The following ALX4 variants were observed in gnomAD, a reference collection of about 807,000 sequenced individuals.
ALX4 encodes ALX homeobox 4, also known as homeobox protein aristaless-like 4.
ALX4 carries 22 observed loss-of-function variants against 40.6 expected under a neutral mutation model. The ratio of observed to expected loss-of-function variants is 0.54; its 90% CI spans 0.39 to 0.77. The LOEUF (loss-of-function observed/expected upper bound fraction) is 0.77. ALX4 is among the 30% of genes least tolerant of loss of function. The pLI is 0.00. For missense variants in ALX4, 556 were observed against 564.8 expected (o/e 0.98, Z 0.16); for synonymous variants, 266 against 240.5 (o/e 1.11, Z -0.98).
chr11:44,309,862 G>C lies in ALX4; in HGVS notation c.201C>G (p.Gly67=). Residue 67 remains glycine (G), a synonymous_variant, in exon 1 of 4, where the codon GGC becomes GGG. Coordinates refer to ENST00000652299, the MANE Select transcript of ALX4 (RefSeq NM_021926.4). ...FGDAKSRARY[G]AGQQDLATPL... is the part of the protein sequence containing the mutation. ...GTGTCGCCAGGTCCTGCTGCCCAGC[G>C]CCGTAACGGGCCCGGCTCTTGGCGT... 6.4e-7 allele frequency: 1 copy of C among 1,564,304 alleles called. No homozygotes were observed. Among genetic ancestry groups the C allele is most frequent in the Non-Finnish European group, 8.7e-7 (1 of 1,153,744 alleles).
intron 1 of ALX4, among the ~76,000 whole-genome samples, chr11:44,307,938 G>C (rs1157370820): frequency 1.3e-5 from 2 of 151,948 alleles, no homozygotes; most frequent in African/African-American, 2.4e-5. Flanking sequence ...GTGGGTGTCT[G>C]TGTGTGGAAC....
intron 1 of ALX4, among the ~76,000 whole-genome samples, chr11:44,302,646 G>A (rs1414478203): frequency 5.5e-5 from 8 of 144,468 alleles, no homozygotes; most frequent in Admixed American, 4.7e-4. Context: ...CTCAGCTTGA[G>A]CCTGGTCACA....
intron 1 of ALX4, among the ~76,000 whole-genome samples, chr11:44,304,234 G>A (rs1455823579): frequency 6.6e-6 from 1 of 152,218 alleles, no homozygotes; most frequent in Non-Finnish European, 1.5e-5. Context: ...AGAACCCTGC[G>A]CTGCGGGCGC....
chr11:44,299,543 G>A (rs1287290105), intron 1 of ALX4, among the ~76,000 whole-genome samples: 1 of 151,870 alleles, frequency 6.6e-6, no homozygotes, highest in Non-Finnish European at 1.5e-5. Flanking sequence ...TGTATTTTTG[G>A]TAGAGACAGG....
intron 1 of ALX4, among the ~76,000 whole-genome samples, chr11:44,307,044 C>T (rs1409343223): frequency 6.6e-6 from 1 of 152,160 alleles, no homozygotes; most frequent in Non-Finnish European, 1.5e-5. Context: ...TTACAGGCTG[C>T]CTTTGGTCCC....
chr11:44,279,889 A>G (rs1310522957), intron 1 of ALX4, among the ~76,000 whole-genome samples: 1 of 152,236 alleles, frequency 6.6e-6, no homozygotes, highest in Non-Finnish European at 1.5e-5. Flanking sequence ...AGGATAGGTC[A>G]GGTGGCAGAG....
intron 2 of ALX4, 35 bp from the exon 3 acceptor site, chr11:44,267,657 G>A (rs776349238): frequency 6.8e-6 from 11 of 1,613,744 alleles, no homozygotes. Context: ...TCACCAGGGT[G>A]AGATGCCCGC....
At position 44,268,370 on chromosome 11, in the gene ALX4, C is replaced by T. The variant is rs556286673; in HGVS notation, c.778-748G>A. Among the ~76,000 whole-genome samples, 14 of 152,282 alleles carry T rather than the reference C, an allele frequency of 9.2e-5. No homozygotes were observed. The South Asian group carries it at 2.7e-3, about 29-fold the overall frequency. On this transcript the variant is annotated intron_variant, in intron 2 of 3. Coordinates refer to ENST00000652299, the MANE Select transcript of ALX4 (RefSeq NM_021926.4). ...AGAAACAGAGTCAGATCGCAGGGGG[C>T]CTTGACTGCCAAGTGAAGGGTTTTT... is the stretch of plus-strand genomic sequence containing the variant.
At chr11:44,289,912 G>A (rs1434912603) in intron 1 of ALX4, among the ~76,000 whole-genome samples, 1 of 152,204 alleles carries the variant, frequency 6.6e-6, no homozygotes, top group African/African-American at 2.4e-5. Context: ...CACTGCCAGA[G>A]AAACAGAGTC....
rs1362886570 is a variant in ALX4, at chr11:44,309,868, A to T, written c.195T>A (p.Arg65=). The T allele has an allele frequency of 6.4e-7, 1 of 1,568,746 alleles. No homozygotes were observed. Residue 65 remains arginine (R), a synonymous_variant, in exon 1 of 4, where the codon CGT becomes CGA. Transcript: ENST00000652299. The part of the protein sequence containing the change: ...QGFGDAKSRA[R]YGAGQQDLAT... ...CCAGGTCCTGCTGCCCAGCGCCGTA[A>T]CGGGCCCGGCTCTTGGCGTCCCCGA...
At chr11:44,282,589 CAG>C (rs1162001482) in intron 1 of ALX4, among the ~76,000 whole-genome samples, 3 of 152,328 alleles carry the variant, frequency 2.0e-5, no homozygotes, top group Admixed American at 1.3e-4. Flanking sequence ...TGTCCTTTGA[CAG>C]GGGAATGGAG....
intron 1 of ALX4, among the ~76,000 whole-genome samples, chr11:44,284,918 T>TAC (rs60186797): frequency 2.8e-4 from 42 of 150,814 alleles, no homozygotes; most frequent in Admixed American, 1.1e-3. Flanking sequence ...CACATACACA[T>TAC]ACACACACAC....
chr11:44,278,499 G>A (rs1956290881), intron 1 of ALX4, among the ~76,000 whole-genome samples: 1 of 152,196 alleles, frequency 6.6e-6, no homozygotes, highest in African/African-American at 2.4e-5. Context: ...ATGCGGCCTG[G>A]GGGCAGCCTC....
chr11:44,305,587 A>C (rs1479276308), intron 1 of ALX4, among the ~76,000 whole-genome samples: 1 of 152,224 alleles, frequency 6.6e-6, no homozygotes, highest in African/African-American at 2.4e-5. Flanking sequence ...TCTCTAACTA[A>C]ATTCAAATAC....
At chr11:44,271,171 C>T (rs1400688289) in intron 2 of ALX4, among the ~76,000 whole-genome samples, 2 of 151,976 alleles carry the variant, frequency 1.3e-5, no homozygotes, top group African/African-American at 4.8e-5. Flanking sequence ...CCCCAGGGCA[C>T]TGCCAGGCTT....
At chr11:44,295,375 G>A (rs1268987000) in intron 1 of ALX4, among the ~76,000 whole-genome samples, 1 of 152,208 alleles carries the variant, frequency 6.6e-6, no homozygotes, top group African/African-American at 2.4e-5. Context: ...TAGCACAATT[G>A]TGGAATGAAC....
intron 1 of ALX4, among the ~76,000 whole-genome samples, chr11:44,279,164 C>T (rs979538996): frequency 6.6e-6 from 1 of 152,104 alleles, no homozygotes; most frequent in Non-Finnish European, 1.5e-5. Flanking sequence ...AGCTCACTGC[C>T]CCCAGGACAG....
At chr11:44,309,513 C>T (rs1956492633) in intron 1 of ALX4, 84 bp downstream of exon 1, 3 of 1,521,374 alleles carry the variant, frequency 2.0e-6, no homozygotes, top group South Asian at 2.4e-5. Flanking sequence ...CAACTCATAC[C>T]TCCCGCAAGC....
At chr11:44,308,413 A>T (rs1404627407) in intron 1 of ALX4, among the ~76,000 whole-genome samples, 2 of 152,188 alleles carry the variant, frequency 1.3e-5, no homozygotes, top group African/African-American at 2.4e-5. Flanking sequence ...ATCAGCCTGG[A>T]TCAGGGCAAA....
Sources: gnomAD v4.1 joint callset for allele counts (sites outside exome capture counted in the v4.1 genomes callset) on GRCh38, gnomAD v4.1.1 for gene constraint, MANE v1.5 for transcripts, NCBI Gene and HGNC (gene_info 2026-07-23, HGNC 2026-07-21) for gene names.